Variants in GMDS observed in about 807,000 individuals in gnomAD.
GMDS encodes GDP-mannose 4,6 dehydratase.
Under a neutral mutation model 49.9 loss-of-function variants are expected in GMDS, and 20 were observed. The observed-to-expected ratio is 0.40, with a 90% CI of 0.28 to 0.58. The LOEUF (loss-of-function observed/expected upper bound fraction) is 0.58, where lower values mean the gene tolerates loss of function less well. Ranked by LOEUF, GMDS falls within the 20% of genes least tolerant of loss-of-function variation. The pLI is 0.42. For missense variants in GMDS, 362 were observed against 481.4 expected, an observed-to-expected ratio of 0.75 and a Z score of 2.32; for synonymous variants, 177 against 178.6, an observed-to-expected ratio of 0.99 and a Z score of 0.07.
At chr6:2,124,801 T>C (rs1169072909) in intron 1 of GMDS, 70 bp from the exon 2 acceptor site, 1 of 1,212,076 alleles carries the variant, frequency 8.3e-7, no homozygotes, top group Non-Finnish European at 1.2e-6. Context: ...AGATGAAGAG[T>C]TTTGAGAAAA....
intron 4 of GMDS, among the ~76,000 whole-genome samples, chr6:1,982,777 A>G (rs1765295286): frequency 1.3e-5 from 2 of 152,242 alleles, no homozygotes; most frequent in Admixed American, 6.5e-5. Context: ...GGAAGAATCA[A>G]TATCATGAAA....
chr6:1,995,632 G>A (rs1766230521), intron 4 of GMDS, among the ~76,000 whole-genome samples: 1 of 152,132 alleles, frequency 6.6e-6, no homozygotes, highest in Non-Finnish European at 1.5e-5. Flanking sequence ...ACTGCCCCCA[G>A]CTGCACTGTC....
chr6:2,072,381 T>C (rs1457022397), intron 4 of GMDS, among the ~76,000 whole-genome samples: 1 of 152,224 alleles, frequency 6.6e-6, no homozygotes, highest in African/African-American at 2.4e-5. Flanking sequence ...GCTTAGGATG[T>C]CTGAAGGCAG....
At chr6:1,683,838 A>G (rs973960331) in intron 9 of GMDS, among the ~76,000 whole-genome samples, 5 of 152,192 alleles carry the variant, frequency 3.3e-5, no homozygotes, top group African/African-American at 1.2e-4. Context: ...AATGTCCTCT[A>G]GGTTATGAAC....
intron 4 of GMDS, among the ~76,000 whole-genome samples, chr6:2,103,926 A>T (rs1472184413): frequency 3.9e-5 from 6 of 152,260 alleles, no homozygotes; most frequent in Non-Finnish European, 8.8e-5. Flanking sequence ...CAGCAAACCC[A>T]GTATGGGGAC....
At chr6:2,006,028 C>A (rs1010629441) in intron 4 of GMDS, among the ~76,000 whole-genome samples, 19 of 152,092 alleles carry the variant, frequency 1.2e-4, no homozygotes, top group Admixed American at 1.0e-3. Flanking sequence ...ACCTCCAAAT[C>A]CTCATTTCTA....
At chr6:2,149,144 G>T (rs896286202) in intron 1 of GMDS, among the ~76,000 whole-genome samples, 1 of 151,764 alleles carries the variant, frequency 6.6e-6, no homozygotes, top group African/African-American at 2.4e-5. Context: ...AGTTATCCCC[G>T]ACAATTTAAG....
chr6:2,204,299 C>T (rs1779687178), intron 1 of GMDS, among the ~76,000 whole-genome samples: 1 of 152,180 alleles, frequency 6.6e-6, no homozygotes, highest in African/African-American at 2.4e-5. Context: ...CAAATCTTGT[C>T]CAATGCTCTC....
chr6:1,929,744 A>G (rs905991554), intron 7 of GMDS, among the ~76,000 whole-genome samples: 26 of 152,340 alleles, frequency 1.7e-4, no homozygotes, highest in African/African-American at 6.3e-4. Context: ...ATACATTGAA[A>G]TGAGGCAGTA....
rs889776524 is a variant in GMDS, at chr6:2,150,671, A to G, written c.103-25940T>C. ...AGCAATTATTTCAGATTAAGAATCCACAACAATCTTAAACTAAAGAATATT... is the reference window on the plus strand; with the variant it reads ...AGCAATTATTTCAGATTAAGAATCCGCAACAATCTTAAACTAAAGAATATT... On this transcript the variant is annotated intron_variant, in intron 1 of 10. Transcript: ENST00000380815. 2.6e-5 allele frequency among the ~76,000 whole-genome samples: 4 copies of G among 152,368 alleles called. No homozygotes were observed. In the South Asian group the frequency reaches 8.3e-4, roughly 32 times the overall value.
chr6:1,760,564 C>T (rs1038321763), intron 7 of GMDS, among the ~76,000 whole-genome samples: 6 of 152,138 alleles, frequency 3.9e-5, no homozygotes, highest in Admixed American at 6.5e-5. Flanking sequence ...CAGTCCCCAC[C>T]GCCGAGGACC....
In GMDS at chr6:2,128,266, ACAGGTTC is replaced by A. The variant is rs1305958052; in HGVS notation, c.103-3542_103-3536del. ...CTCGGCTCACTGCAACCTCCATCTC[ACAGGTTC>A]CAGTGATTCTCCTGCCTGAGCCTCC... On this transcript the variant is annotated intron_variant, in intron 1 of 10. Coordinates refer to ENST00000380815, the MANE Select transcript of GMDS (RefSeq NM_001500.4). 4.7e-5 allele frequency among the ~76,000 whole-genome samples: 7 copies of A among 150,306 alleles called. No homozygotes were observed. In the East Asian group the frequency reaches 1.2e-3, roughly 25 times the overall value.
intron 1 of GMDS, among the ~76,000 whole-genome samples, chr6:2,139,710 C>G (rs917335819): frequency 6.6e-6 from 1 of 152,208 alleles, no homozygotes; most frequent in African/African-American, 2.4e-5. Context: ...TCAACCCAGA[C>G]AGTCTGACTC....
At chr6:1,669,917 CAAAAAAAAAA>C (rs66490758) in intron 9 of GMDS, among the ~76,000 whole-genome samples, 1 of 45,222 alleles carries the variant, frequency 2.2e-5, no homozygotes, top group African/African-American at 9.6e-5. Flanking sequence ...GACTCCATCT[CAAAAAAAAAA>C]AAAAAAAAAA....
At position 1,942,353 on chromosome 6, in the gene GMDS, C is replaced by T. The variant is rs563150064; in HGVS notation, c.644-12123G>A. 7.9e-5 allele frequency among the ~76,000 whole-genome samples: 12 copies of T among 152,290 alleles called. No homozygotes were observed. The South Asian group carries it at 2.5e-3, about 32-fold the overall frequency. ...CCACAAATGAGGTGGCTGCTCAATG[C>T]AGATTCCCCAAAGCATGCTTTGGTG... is the stretch of plus-strand genomic sequence containing the variant. On this transcript the variant is annotated intron_variant, in intron 6 of 10. Coordinates refer to ENST00000380815, the MANE Select transcript of GMDS (RefSeq NM_001500.4).
chr6:1,749,240 C>G (rs2113514365), intron 7 of GMDS, among the ~76,000 whole-genome samples: 1 of 152,214 alleles, frequency 6.6e-6, no homozygotes, highest in African/African-American at 2.4e-5. Flanking sequence ...TTGCCTTTAC[C>G]CCAGATCACA....
chr6:1,901,796 T>C (rs1760518056), intron 7 of GMDS, among the ~76,000 whole-genome samples: 1 of 152,206 alleles, frequency 6.6e-6, no homozygotes, highest in Non-Finnish European at 1.5e-5. Flanking sequence ...AGTTAGACGC[T>C]GAAGAAACAA....
intron 8 of GMDS, among the ~76,000 whole-genome samples, chr6:1,730,216 A>G (rs951282875): frequency 2.6e-5 from 4 of 152,370 alleles, no homozygotes; most frequent in Non-Finnish European, 2.9e-5. Flanking sequence ...GCTTCTGGAT[A>G]AAGATGGTGG....
intron 1 of GMDS, among the ~76,000 whole-genome samples, chr6:2,201,896 T>C (rs1581789171): frequency 1.8e-5 from 2 of 111,622 alleles, no homozygotes; most frequent in Middle Eastern, 6.3e-3. Flanking sequence ...GAGGGCAGCA[T>C]GTTAGCAGGG....
Sources: gnomAD v4.1 joint callset for allele counts (sites outside exome capture counted in the v4.1 genomes callset) on GRCh38, gnomAD v4.1.1 for gene constraint, MANE v1.5 for transcripts, NCBI Gene and HGNC (gene_info 2026-07-23, HGNC 2026-07-21) for gene names.